HK3: variants seen among roughly 807,000 people sequenced by gnomAD.
HK3 encodes the protein hexokinase 3.
HK3 carries 93 observed loss-of-function variants against 91.0 expected under a neutral mutation model. That is an observed-to-expected ratio of 1.02 (90% confidence interval 0.86 to 1.21). The LOEUF (loss-of-function observed/expected upper bound fraction) is 1.21. Among genes scored for constraint, HK3 ranks in the 50% most tolerant of loss-of-function variants. The pLI, the probability that HK3 is intolerant of heterozygous loss-of-function variation, is 0.00. For missense variants in HK3, 1,235 were observed against 1,247.4 expected, an observed-to-expected ratio of 0.99 and a Z score of 0.15; for synonymous variants, 519 against 516.9, an observed-to-expected ratio of 1.00 and a Z score of -0.06.
Position 176,888,325 on chromosome 5 carries a change from A to C in HK3, c.1304+7T>G. 6.4e-7 allele frequency: 1 copy of C among 1,550,518 alleles called. No homozygotes were observed. Among genetic ancestry groups the C allele is most frequent in the Non-Finnish European group, 8.7e-7 (1 of 1,145,198 alleles). Reference sequence around the variant, plus strand: ...AACTAATCATGCGGATCACGTTTCCACAATACCTGGGGTGCCGCTCACACA... The same window carrying C: ...AACTAATCATGCGGATCACGTTTCCCCAATACCTGGGGTGCCGCTCACACA... On this transcript the variant is annotated splice_region_variant and intron_variant, in intron 10 of 18. Transcript: ENST00000292432.
In HK3 at chr5:176,889,559, C is replaced by T; in HGVS notation, c.736G>A (p.Gly246Ser). 2 of 1,614,172 alleles carry T rather than the reference C, an allele frequency of 1.2e-6. No individual in the cohort carries two copies. The highest frequency in any genetic ancestry group is 1.1e-5 in the South Asian group (1 of 91,088). ...PCEVGLVVDT[G>S]TNACYMEEAR... ...TCCTCCATGTAACACGCGTTGGTGC[C>T]CGTGTCTGGCAGAGACAACCCTGTC... The change falls in exon 8 of 19, where the codon GGC becomes AGC. Residue 246 changes from glycine to serine, a missense_variant. Transcript: ENST00000292432.
Position 176,881,433 on chromosome 5 carries a change from C to T in HK3, c.2496G>A (p.Val832=), listed in dbSNP as rs1467742002. The T allele has an allele frequency of 6.2e-7, 1 of 1,611,526 alleles. No individual in the cohort carries two copies. Among genetic ancestry groups the T allele is most frequent in the Non-Finnish European group, 8.5e-7 (1 of 1,180,028 alleles). Residue 832 remains valine (V), a synonymous_variant, in exon 18 of 19, where the codon GTG becomes GTA. Coordinates refer to ENST00000292432, the MANE Select transcript of HK3 (RefSeq NM_002115.3). The part of the protein sequence containing the change: ...ALMVLEVCQA[V]SQRAAQLCGA... ...CACAGAGCTGGGCAGCCCTCTGGGACACAGCCTGGCACACCTCTAGCACCA... is the reference window on the plus strand; with the variant it reads ...CACAGAGCTGGGCAGCCCTCTGGGATACAGCCTGGCACACCTCTAGCACCA...
intron 2 of HK3, 77 bp from the exon 3 acceptor site, chr5:176,891,627 G>A: frequency 6.9e-7 from 1 of 1,455,270 alleles, no homozygotes; most frequent in Non-Finnish European, 9.3e-7. Context: ...ACAAGGCAGA[G>A]GCCTGCCCTG....
Position 176,881,688 on chromosome 5 carries a change from G to A in HK3, c.2393+4C>T, listed in dbSNP as rs984940556. ...GTGGGGGAGGCAATGTAGGCCTCAG[G>A]CACCTTTCGATCTCAGAGAGGAACT... On this transcript the variant is annotated splice_donor_region_variant and intron_variant, in intron 17 of 18. Transcript: ENST00000292432. The A allele has an allele frequency of 6.2e-7, 1 of 1,614,002 alleles. No homozygotes were observed.
rs777314661 is a variant in HK3 at position 176,884,006 on chromosome 5, CAGCCCCAA to C, written c.1953+25_1953+32del. On this transcript the variant is annotated intron_variant, in intron 14 of 18. Transcript: ENST00000292432. The surrounding 1 kb of genome is among the most constrained non-coding windows in gnomAD (Gnocchi z 4.1). ...TCTTTGCTCCCCTCAAGGCCTGCCA[CAGCCCCAA>C]AGCACCCCTAGAACAGGCTCCTACC... is the stretch of plus-strand genomic sequence containing the variant. 18 of 1,606,370 alleles carry C rather than the reference CAGCCCCAA, an allele frequency of 1.1e-5. No homozygotes were observed. In the Admixed American group the frequency reaches 2.8e-4, roughly 25 times the overall value.
intron 3 of HK3, 85 bp downstream of exon 3, chr5:176,891,303 G>A (rs1758766200): frequency 1.9e-6 from 3 of 1,606,820 alleles, no homozygotes. Flanking sequence ...CATAGAGATG[G>A]GGGACAGGAA....
rs755568515 is a variant in HK3, at chr5:176,888,396, G to A, written c.1240C>T (p.Arg414Trp). 1.3e-5 allele frequency: 21 copies of A among 1,563,296 alleles called. No individual in the cohort carries two copies. The highest frequency in any genetic ancestry group is 1.7e-4 in the Middle Eastern group (1 of 6,026). ...AAVLSCLQHS[R>W]EQQTLQVAVA... ...GCAACCTGGAGTGTTTGTTGCTCCC[G>A]GCTGTGCTGGAGGCAGGAGAGAACA... Residue 414 changes from arginine (R) to tryptophan (W), a missense_variant, in exon 10 of 19, where the codon CGG becomes TGG. By Grantham distance (101) the Arg-to-Trp change is moderately radical. Transcript: ENST00000292432.
In HK3 at chr5:176,887,640, C is replaced by T; in HGVS notation, c.1411G>A (p.Ala471Thr). 1.2e-6 allele frequency: 2 copies of T among 1,613,720 alleles called. No individual in the cohort carries two copies. The highest frequency in any genetic ancestry group is 1.7e-6 in the Non-Finnish European group (2 of 1,179,966). ...TGGGCAGCCAGACGGGCAGCCACGG[C>T]AGTCACCATCGCCACTCCCCGGCCA... Reference protein sequence around the residue: ...GGGRGVAMVTAVAARLAAHRR... With the variant: ...GGGRGVAMVTTVAARLAAHRR... The change falls in exon 11 of 19, where the codon GCC (alanine) becomes ACC (threonine). Residue 471 changes from alanine to threonine, a missense_variant. Ala to Thr is a moderately conservative substitution (Grantham distance 58, BLOSUM62 0). Transcript: ENST00000292432. This position sits in a 1 kb window ranked among gnomAD's most constrained non-coding sequence, Gnocchi z 4.9.
At chr5:176,890,587 G>A in intron 6 of HK3, 48 bp downstream of exon 6, 1 of 1,541,742 alleles carries the variant, frequency 6.5e-7, no homozygotes, top group Non-Finnish European at 9.0e-7. Flanking sequence ...TGTGTGCCAG[G>A]CCCAGGCCAA....
Position 176,887,603 on chromosome 5 carries a change from A to G in HK3, c.1448T>C (p.Leu483Pro). The change falls in exon 11 of 19, where the codon CTG becomes CCG. Residue 483 changes from leucine (L) to proline (P), a missense_variant. By Grantham distance (98) the Leu-to-Pro change is moderately conservative (BLOSUM62 -3). Transcript: ENST00000292432. The surrounding 1 kb of genome is among the most constrained non-coding windows in gnomAD (Gnocchi z 4.9). ...CCGGAATGGGGCCAGGGTCTCCTCC[A>G]GCAGGCGCCGGTGGGCAGCCAGACG... Reference protein sequence around the residue: ...AARLAAHRRLLEETLAPFRLN... With the variant: ...AARLAAHRRLPEETLAPFRLN... The G allele has an allele frequency of 5.6e-6, 9 of 1,613,810 alleles. No homozygotes were observed. Among genetic ancestry groups the G allele is most frequent in the Non-Finnish European group, 7.6e-6 (9 of 1,179,980 alleles).
At chr5:176,895,384 A>G (rs1374344035) in intron 2 of HK3, among the ~76,000 whole-genome samples, 1 of 152,138 alleles carries the variant, frequency 6.6e-6, no homozygotes, top group Non-Finnish European at 1.5e-5. Flanking sequence ...GCCATAGGCA[A>G]GTCCTTTATC....
At chr5:176,888,969 C>T in intron 8 of HK3, 105 bp from the exon 9 acceptor site, 2 of 1,335,334 alleles carry the variant, frequency 1.5e-6, no homozygotes, top group Non-Finnish European at 2.0e-6. Flanking sequence ...TTGGGGCTCC[C>T]AAACTGGAGA....
In HK3 at chr5:176,890,904, A is replaced by T. The variant is rs780438020; in HGVS notation, c.452T>A (p.Leu151Gln). 2.5e-6 allele frequency: 4 copies of T among 1,614,074 alleles called. No homozygotes were observed. The South Asian group carries it at 4.4e-5, about 18-fold the overall frequency. The stretch of plus-strand genomic sequence containing the variant: ...CTGTTTGTTCACAGGCTGCGCATCC[A>T]GGAACTCAGACAGGCAGTGGGCAGC... ...DFAAHCLSEF[L>Q]DAQPVNKQGL... The change falls in exon 5 of 19, where the codon CTG becomes CAG. Residue 151 changes from leucine (L) to glutamine (Q), a missense_variant. Around this residue, in one of 3 missense-constraint regions of HK3, gnomAD observed 717 missense variants for 751.6 expected, o/e 0.95. Coordinates refer to ENST00000292432, the MANE Select transcript of HK3 (RefSeq NM_002115.3).
Position 176,888,802 on chromosome 5 carries a change from A to C in HK3, c.977T>G (p.Leu326Trp). The change falls in exon 9 of 19, where the codon TTG (leucine) becomes TGG (tryptophan). Residue 326 changes from leucine to tryptophan, a missense_variant. This residue lies in a region of HK3 where 717 missense variants were observed against 751.6 expected (regional missense o/e 0.95). Coordinates refer to ENST00000292432, the MANE Select transcript of HK3 (RefSeq NM_002115.3). ...ACCAAAGAGGACCCCACACCGGGCCAAGTGAGCCAGCACCAGCCGCACCAG... is the reference window on the plus strand; with the variant it reads ...ACCAAAGAGGACCCCACACCGGGCCCAGTGAGCCAGCACCAGCCGCACCAG... ...GELVRLVLAH[L>W]ARCGVLFGGC... 6.2e-7 allele frequency: 1 copy of C among 1,614,190 alleles called. No homozygotes were observed. Among genetic ancestry groups the C allele is most frequent in the Middle Eastern group, 1.6e-4 (1 of 6,062 alleles).
chr5:176,881,836 A>G lies in HK3; in HGVS notation c.2249T>C (p.Met750Thr), dbSNP rs1758441244. ...CTCCCCCAGGTACATGCCGCTGATC[A>G]TCTTTTCAAACCTGCATGAACATGT... ...INPGKQRFEK[M>T]ISGMYLGEIV... The change falls in exon 17 of 19, where the codon ATG (methionine) becomes ACG (threonine). Residue 750 changes from methionine (M) to threonine (T), a missense_variant. Met to Thr is a moderately conservative substitution (Grantham distance 81). Around this residue, in one of 3 missense-constraint regions of HK3, gnomAD observed 513 missense variants for 477.4 expected, o/e 1.07. Transcript: ENST00000292432. The G allele has an allele frequency of 6.2e-7, 1 of 1,613,496 alleles. No individual in the cohort carries two copies. The highest frequency in any genetic ancestry group is 8.5e-7 in the Non-Finnish European group (1 of 1,179,940).
Position 176,889,425 on chromosome 5 carries a change from G to A in HK3, c.870C>T (p.Phe290=), listed in dbSNP as rs200655596. ...GGGACTCATGGTCCAGGGTATGGTC[G>A]AAGGTGGTCAGCACTGGTCCCAGCG... is the stretch of plus-strand genomic sequence containing the variant. ...DGALGPVLTT[F]DHTLDHESLN... is the part of the protein sequence containing the mutation. The change falls in exon 8 of 19, where the codon TTC becomes TTT. Residue 290 remains phenylalanine, a synonymous_variant. Coordinates refer to ENST00000292432, the MANE Select transcript of HK3 (RefSeq NM_002115.3). The A allele has an allele frequency of 1.2e-4, 196 of 1,614,184 alleles. 2 individuals carry two copies. The East Asian group carries it at 2.0e-3, about 17-fold the overall frequency.
Position 176,882,050 on chromosome 5 carries a change from T to C in HK3, c.2131A>G (p.Ile711Val). The C allele has an allele frequency of 1.2e-6, 2 of 1,613,080 alleles. No homozygotes were observed. Among genetic ancestry groups the C allele is most frequent in the Non-Finnish European group, 1.7e-6 (2 of 1,180,020 alleles). Residue 711 changes from isoleucine to valine, a missense_variant, in exon 16 of 19, where the codon ATC (isoleucine) becomes GTC (valine). Ile to Val is a conservative substitution (Grantham distance 29). Coordinates refer to ENST00000292432, the MANE Select transcript of HK3 (RefSeq NM_002115.3). ...CCAAAGGCGCCCCACTCCATGTTGA[T>C]GCACATGCGGCCTGAGTCCCCAGGC... ...GVPGDSGRMC[I>V]NMEWGAFGDD...
chr5:176,881,252 C>G, intron 18 of HK3, 35 bp from the exon 19 acceptor site: 1 of 1,613,246 alleles, frequency 6.2e-7, no homozygotes. Flanking sequence ...CCCAGGCCAC[C>G]AGCCCCACCT....
Position 176,889,483 on chromosome 5 carries a change from C to T in HK3, c.812G>A (p.Ser271Asn). The T allele has an allele frequency of 1.9e-6, 3 of 1,614,186 alleles. No homozygotes were observed. The highest frequency in any genetic ancestry group is 2.5e-6 in the Non-Finnish European group (3 of 1,180,036). ...ATCGCTGAAGGAGCCCCACTCGACGCTGACGCAGACGCGGCCCCGGTCTTC... is the reference window on the plus strand; with the variant it reads ...ATCGCTGAAGGAGCCCCACTCGACGTTGACGCAGACGCGGCCCCGGTCTTC... ...LDEDRGRVCV[S>N]VEWGSFSDDG... The change falls in exon 8 of 19, where the codon AGC (serine) becomes AAC (asparagine). Residue 271 changes from serine to asparagine, a missense_variant. Ser to Asn is a conservative substitution (Grantham distance 46). Around this residue, in one of 3 missense-constraint regions of HK3, gnomAD observed 717 missense variants for 751.6 expected, o/e 0.95. Coordinates refer to ENST00000292432, the MANE Select transcript of HK3 (RefSeq NM_002115.3).
Sources: gnomAD v4.1 joint callset for allele counts (sites outside exome capture counted in the v4.1 genomes callset) on GRCh38, gnomAD v4.1.1 for gene constraint, gnomAD v4.1.1 regional missense constraint, Gnocchi (gnomAD v3.1) non-coding constraint, MANE v1.5 for transcripts, NCBI Gene and HGNC (gene_info 2026-07-23, HGNC 2026-07-21) for gene names.